NRP1: variants seen among roughly 807,000 people sequenced by gnomAD.
NRP1 encodes neuropilin 1, also known as neuropilin-1.
A neutral mutation model predicts 106.7 loss-of-function variants in NRP1; 35 were observed. That is an observed-to-expected ratio of 0.33 (90% CI 0.25 to 0.43). The LOEUF (loss-of-function observed/expected upper bound fraction) is 0.43. Among genes scored for constraint, NRP1 ranks in the 20% least tolerant of loss-of-function variants. The pLI is 1.00. For synonymous variants in NRP1, 437 were observed against 417.9 expected (o/e 1.05, Z -0.56); for missense variants, 1,024 against 1,170.4 (o/e 0.87, Z 1.83).
At chr10:33,190,815 T>C (rs1398364001) in intron 13 of NRP1, among the ~76,000 whole-genome samples, 1 of 152,130 alleles carries the variant, frequency 6.6e-6, no homozygotes, top group Non-Finnish European at 1.5e-5. Context: ...TGCATGTGTG[T>C]TGGGCCAGAC....
At chr10:33,281,750 A>G (rs1217686261) in intron 2 of NRP1, among the ~76,000 whole-genome samples, 1 of 152,134 alleles carries the variant, frequency 6.6e-6, no homozygotes, top group Non-Finnish European at 1.5e-5. Context: ...GGAGAAATAA[A>G]CGAAATCATA....
intron 6 of NRP1, among the ~76,000 whole-genome samples, 156 bp downstream of exon 6, chr10:33,253,872 T>C (rs547965016): frequency 8.0e-4 from 122 of 152,316 alleles, no homozygotes; most frequent in Admixed American, 4.2e-3. Context: ...CTGATGGCCG[T>C]GAACCTATCT....
chr10:33,324,224 A>G (rs10827236), intron 2 of NRP1, among the ~76,000 whole-genome samples: 17,711 of 152,246 alleles, frequency 0.12, 1,272 homozygotes, highest in East Asian at 0.28. Flanking sequence ...AAGAAAGCAG[A>G]TAATTATCTG....
intron 2 of NRP1, among the ~76,000 whole-genome samples, chr10:33,273,101 G>C (rs1455630535): frequency 9.0e-6 from 1 of 110,932 alleles, no homozygotes. Flanking sequence ...TGAGTGGGGG[G>C]TGGGGGGTGG....
chr10:33,202,440 T>C, intron 11 of NRP1: 1 of 598,040 alleles, frequency 1.7e-6, no homozygotes, highest in South Asian at 3.3e-5. Context: ...AAAGCCGCAC[T>C]TCAAATATAA....
chr10:33,288,990 T>C (rs1844787737), intron 2 of NRP1, among the ~76,000 whole-genome samples: 1 of 152,188 alleles, frequency 6.6e-6, no homozygotes, highest in South Asian at 2.1e-4. Flanking sequence ...AAAACAGTAT[T>C]GTTTCCCTGG....
chr10:33,298,716 TTTATAC>T lies in NRP1; in HGVS notation c.249-27866_249-27861del, dbSNP rs1845590265. 2.0e-5 allele frequency among the ~76,000 whole-genome samples: 3 copies of T among 152,304 alleles called. No individual in the cohort carries two copies. In the South Asian group the frequency reaches 6.2e-4, roughly 32 times the overall value. ...ATTCTTAGGCAGATCTTTTCATCTT[TTTATAC>T]TTAGTTTCCTCCTTTGTAAGATGAG... On this transcript the variant is annotated intron_variant, in intron 2 of 16. Transcript: ENST00000374867.
chr10:33,210,883 C>T (rs748111475), intron 9 of NRP1, among the ~76,000 whole-genome samples: 3 of 152,078 alleles, frequency 2.0e-5, no homozygotes, highest in Non-Finnish European at 4.4e-5. Flanking sequence ...AACCATGTGC[C>T]GCTCTAAAAT....
intron 11 of NRP1, 91 bp from the exon 12 acceptor site, chr10:33,197,800 C>A: frequency 1.6e-6 from 1 of 638,306 alleles, no homozygotes; most frequent in Non-Finnish European, 2.7e-6. Context: ...CTATCAGAGG[C>A]AAATATTTTC....
intron 8 of NRP1, among the ~76,000 whole-genome samples, chr10:33,215,025 C>T (rs951916209): frequency 1.3e-5 from 2 of 152,150 alleles, no homozygotes; most frequent in South Asian, 2.1e-4. Context: ...GTATATTTTA[C>T]CCCGACAATA....
chr10:33,222,905 T>TGG (rs1438368472), intron 7 of NRP1, among the ~76,000 whole-genome samples: 2 of 152,194 alleles, frequency 1.3e-5, no homozygotes, highest in Non-Finnish European at 2.9e-5. Flanking sequence ...CAAGGACTCG[T>TGG]GGGGGCCACT....
intron 1 of NRP1, among the ~76,000 whole-genome samples, chr10:33,333,255 G>C (rs73253824): frequency 0.049 from 7,368 of 151,302 alleles, 234 homozygotes; most frequent in African/African-American, 0.075. Flanking sequence ...CATGTGTTTT[G>C]CTTTAAGCAT....
intron 3 of NRP1, among the ~76,000 whole-genome samples, chr10:33,269,687 C>T (rs1564441354): frequency 6.6e-6 from 1 of 152,166 alleles, no homozygotes; most frequent in Non-Finnish European, 1.5e-5. Context: ...TCTGTATTTA[C>T]AGCCACTCCC....
At chr10:33,322,889 A>C (rs895523406) in intron 2 of NRP1, among the ~76,000 whole-genome samples, 4 of 152,238 alleles carry the variant, frequency 2.6e-5, no homozygotes, top group Non-Finnish European at 4.4e-5. Context: ...GAATTTCCTC[A>C]TTCAAAAAGC....
intron 2 of NRP1, among the ~76,000 whole-genome samples, chr10:33,290,130 C>T (rs1376756668): frequency 6.6e-6 from 1 of 152,162 alleles, no homozygotes; most frequent in Non-Finnish European, 1.5e-5. Flanking sequence ...AGCCACTTTG[C>T]AACCTGAGGA....
intron 14 of NRP1, 148 bp downstream of exon 14, chr10:33,186,069 G>T (rs1835986431): frequency 9.6e-6 from 10 of 1,042,856 alleles, no homozygotes; most frequent in African/African-American, 1.6e-5. Flanking sequence ...TGCTATTAAG[G>T]TGGTTATCAT....
intron 7 of NRP1, among the ~76,000 whole-genome samples, chr10:33,224,917 T>C (rs1588770113): frequency 6.6e-6 from 1 of 152,172 alleles, no homozygotes; most frequent in Non-Finnish European, 1.5e-5. Context: ...CTTTGGCTGG[T>C]AGGTGCCTCA....
At chr10:33,320,512 T>C (rs1271349389) in intron 2 of NRP1, among the ~76,000 whole-genome samples, 1 of 151,890 alleles carries the variant, frequency 6.6e-6, no homozygotes, top group Admixed American at 6.6e-5. Context: ...ACCCAGGGAG[T>C]GGCTGTCTTA....
chr10:33,257,722 G>A (rs752581904), intron 4 of NRP1, among the ~76,000 whole-genome samples: 2 of 152,128 alleles, frequency 1.3e-5, no homozygotes, highest in Non-Finnish European at 2.9e-5. Flanking sequence ...TGAGTAAACT[G>A]GAAATTGCCT....
Sources: allele counts gnomAD v4.1 joint callset (sites outside exome capture counted in the v4.1 genomes callset), GRCh38; gene constraint gnomAD v4.1.1; transcripts MANE v1.5; gene names NCBI Gene and HGNC (gene_info 2026-07-23, HGNC 2026-07-21).